The following GLCCI1 variants were observed in gnomAD, a reference collection of about 807,000 sequenced individuals.
GLCCI1 encodes the protein glucocorticoid induced 1.
Under a neutral mutation model 52.2 loss-of-function variants are expected in GLCCI1, and 24 were observed. The observed-to-expected ratio is 0.46, with a 90% CI of 0.33 to 0.65. The LOEUF (loss-of-function observed/expected upper bound fraction) is 0.65, where lower values mean the gene tolerates loss of function less well. Among genes scored for constraint, GLCCI1 ranks in the 30% least tolerant of loss-of-function variants. The pLI is 0.02. For synonymous variants in GLCCI1, 310 were observed against 276.5 expected, an observed-to-expected ratio of 1.12 and a Z score of -1.20; for missense variants, 704 against 701.5, an observed-to-expected ratio of 1.00 and a Z score of -0.04.
intron 3 of GLCCI1, among the ~76,000 whole-genome samples, chr7:8,023,443 G>C (rs1235075471): frequency 6.6e-6 from 1 of 151,044 alleles, no homozygotes; most frequent in Non-Finnish European, 1.5e-5. Context: ...TGTATATTTT[G>C]GATTATTTTT....
At chr7:8,018,789 T>C (rs1217077559) in intron 2 of GLCCI1, among the ~76,000 whole-genome samples, 1 of 152,226 alleles carries the variant, frequency 6.6e-6, no homozygotes. Flanking sequence ...TTTTAAATGA[T>C]GGTATGATAT....
intron 2 of GLCCI1, among the ~76,000 whole-genome samples, chr7:8,021,212 A>G (rs937627078): frequency 6.6e-6 from 1 of 152,218 alleles, no homozygotes; most frequent in African/African-American, 2.4e-5. Context: ...TGACTTCTTC[A>G]TAAGAACTTA....
intron 1 of GLCCI1, among the ~76,000 whole-genome samples, chr7:7,973,044 C>T (rs1780386691): frequency 1.3e-5 from 2 of 152,084 alleles, no homozygotes; most frequent in Non-Finnish European, 2.9e-5. Context: ...ATGTCATCCT[C>T]CCTCTTGTTT....
Position 8,070,903 on chromosome 7 carries a change from A to G in GLCCI1, c.967-18A>G, listed in dbSNP as rs1389911757. 1.1e-5 allele frequency: 18 copies of G among 1,604,106 alleles called. No individual in the cohort carries two copies. Among genetic ancestry groups the G allele is most frequent in the Non-Finnish European group, 1.5e-5 (18 of 1,171,236 alleles). ...ATATGCACCAGCATTTGGATGTTTA[A>G]TGGTATTCCTCTTACAGCCGTTGGA... On this transcript the variant is annotated intron_variant, in intron 5 of 7. Coordinates refer to ENST00000223145, the MANE Select transcript of GLCCI1 (RefSeq NM_138426.4).
In GLCCI1 at chr7:8,021,477, A is replaced by G. The variant is rs191838300; in HGVS notation, c.610-1006A>G. On this transcript the variant is annotated intron_variant, in intron 2 of 7. Coordinates refer to ENST00000223145, the MANE Select transcript of GLCCI1 (RefSeq NM_138426.4). The stretch of plus-strand genomic sequence containing the variant: ...GCCCAGGCTGGAGTGCAATGACACA[A>G]TCTTGGCTCACTGCAGCCTCTGCCT... Among the ~76,000 whole-genome samples the G allele has an allele frequency of 1.2e-4, 18 of 152,282 alleles. No homozygotes were observed. In the East Asian group the frequency reaches 3.1e-3, roughly 26 times the overall value.
intron 6 of GLCCI1, among the ~76,000 whole-genome samples, chr7:8,077,712 G>T (rs886756578): frequency 2.0e-5 from 3 of 152,126 alleles, no homozygotes; most frequent in Non-Finnish European, 4.4e-5. Context: ...CAGAATCTGA[G>T]GCTTAGAGAA....
intron 2 of GLCCI1, among the ~76,000 whole-genome samples, chr7:8,016,661 C>T (rs150083632): frequency 8.3e-4 from 126 of 152,214 alleles, no homozygotes; most frequent in African/African-American, 2.8e-3. Context: ...GAAAACTTTT[C>T]CATGCTATTG....
At chr7:8,011,642 T>C (rs1289542853) in intron 2 of GLCCI1, among the ~76,000 whole-genome samples, 1 of 152,128 alleles carries the variant, frequency 6.6e-6, no homozygotes, top group Non-Finnish European at 1.5e-5. Flanking sequence ...CGGCTTTCAG[T>C]TCTTTTGTAT....
intron 1 of GLCCI1, among the ~76,000 whole-genome samples, chr7:7,972,718 G>A (rs1158633962): frequency 6.6e-6 from 1 of 152,054 alleles, no homozygotes; most frequent in Non-Finnish European, 1.5e-5. Context: ...CAAGGCTGAG[G>A]AAAAGCTGAA....
At chr7:7,975,695 G>A (rs756248965) in intron 1 of GLCCI1, among the ~76,000 whole-genome samples, 3 of 152,176 alleles carry the variant, frequency 2.0e-5, no homozygotes, top group Non-Finnish European at 2.9e-5. Context: ...TTTGTTGAAT[G>A]TAACTAAAAT....
At chr7:7,991,007 C>G (rs1230542839) in intron 1 of GLCCI1, among the ~76,000 whole-genome samples, 3 of 152,012 alleles carry the variant, frequency 2.0e-5, no homozygotes, top group African/African-American at 4.8e-5. Context: ...TTGCATTGAG[C>G]AAATCAGTGG....
intron 1 of GLCCI1, among the ~76,000 whole-genome samples, 178 bp from the exon 2 acceptor site, chr7:8,003,730 T>C (rs1456676376): frequency 6.6e-6 from 1 of 152,226 alleles, no homozygotes; most frequent in Non-Finnish European, 1.5e-5. Context: ...TTAACATGAA[T>C]GTATTTTCCT....
intron 1 of GLCCI1, among the ~76,000 whole-genome samples, chr7:7,997,506 T>A (rs545084568): frequency 6.6e-6 from 1 of 152,316 alleles, no homozygotes; most frequent in South Asian, 2.1e-4. Context: ...CAACTTAATG[T>A]CTTGTATTCA....
chr7:7,994,220 C>T (rs1780897448), intron 1 of GLCCI1, among the ~76,000 whole-genome samples: 1 of 152,072 alleles, frequency 6.6e-6, no homozygotes. Flanking sequence ...CACCACTGCA[C>T]TCCAGCCTGG....
intron 1 of GLCCI1, among the ~76,000 whole-genome samples, chr7:7,994,758 G>T (rs1182602641): frequency 2.6e-5 from 4 of 152,118 alleles, no homozygotes; most frequent in African/African-American, 9.7e-5. Flanking sequence ...TCTTCATATT[G>T]TTGGAATACA....
intron 1 of GLCCI1, among the ~76,000 whole-genome samples, chr7:7,985,765 C>T (rs1174315251): frequency 6.6e-6 from 1 of 152,182 alleles, no homozygotes; most frequent in Non-Finnish European, 1.5e-5. Context: ...ATCCTTTCTT[C>T]TGAATCATAT....
At chr7:8,021,403 A>G (rs1035293422) in intron 2 of GLCCI1, among the ~76,000 whole-genome samples, 6 of 152,020 alleles carry the variant, frequency 3.9e-5, no homozygotes, top group Non-Finnish European at 8.8e-5. Context: ...TGATATTTTA[A>G]TATTGTTTAA....
intron 3 of GLCCI1, among the ~76,000 whole-genome samples, chr7:8,027,827 T>C (rs1781656099): frequency 6.6e-6 from 1 of 152,212 alleles, no homozygotes; most frequent in African/African-American, 2.4e-5. Flanking sequence ...GCTATGCTTA[T>C]GTCAGGCAAA....
At chr7:7,995,032 A>G (rs969974594) in intron 1 of GLCCI1, among the ~76,000 whole-genome samples, 1 of 152,188 alleles carries the variant, frequency 6.6e-6, no homozygotes, top group African/African-American at 2.4e-5. Context: ...TGTTTTGTGT[A>G]TGTCTGTGTA....
Sources: allele counts gnomAD v4.1 joint callset (sites outside exome capture counted in the v4.1 genomes callset), GRCh38; gene constraint gnomAD v4.1.1; transcripts MANE v1.5; gene names NCBI Gene and HGNC (gene_info 2026-07-23, HGNC 2026-07-21).